CSGALNACT1: variants seen among roughly 807,000 people sequenced by gnomAD.
The protein encoded by CSGALNACT1 is chondroitin sulfate N-acetylgalactosaminyltransferase 1.
A neutral mutation model predicts 51.0 loss-of-function variants in CSGALNACT1; 52 were observed. The observed-to-expected ratio is 1.02, with a 90% CI of 0.82 to 1.29. The LOEUF (loss-of-function observed/expected upper bound fraction) is 1.29, where lower values mean the gene tolerates loss of function less well. Ranked by LOEUF, CSGALNACT1 falls within the 50% of genes most tolerant of loss-of-function variation. The pLI is 0.00. For synonymous variants in CSGALNACT1, 341 were observed against 254.4 expected, an observed-to-expected ratio of 1.34 and a Z score of -3.24; for missense variants, 935 against 679.2, an observed-to-expected ratio of 1.38 and a Z score of -4.19.
intron 4 of CSGALNACT1, among the ~76,000 whole-genome samples, chr8:19,476,236 T>C (rs2069592614): frequency 1.3e-5 from 2 of 152,110 alleles, no homozygotes; most frequent in South Asian, 4.1e-4. Context: ...CCCCCAGTTT[T>C]TTGTTTGTTT....
At chr8:19,545,090 T>TA (rs1218041504) in intron 3 of CSGALNACT1, among the ~76,000 whole-genome samples, 2 of 151,958 alleles carry the variant, frequency 1.3e-5, no homozygotes, top group Non-Finnish European at 2.9e-5. Context: ...TGAAGCACAG[T>TA]GAAGTCACTC....
chr8:19,538,091 G>T (rs1449693674), intron 3 of CSGALNACT1, among the ~76,000 whole-genome samples: 1 of 152,158 alleles, frequency 6.6e-6, no homozygotes, highest in East Asian at 1.9e-4. Flanking sequence ...GCTGAGGCAG[G>T]AGGATGCTTG....
chr8:19,506,672 T>C (rs1287214790), intron 3 of CSGALNACT1, among the ~76,000 whole-genome samples: 1 of 151,930 alleles, frequency 6.6e-6, no homozygotes, highest in Non-Finnish European at 1.5e-5. Flanking sequence ...CTGGAGTGAG[T>C]TGGCACTCTT....
chr8:19,681,834 G>A (rs1470907471), intron 1 of CSGALNACT1, among the ~76,000 whole-genome samples: 3 of 152,178 alleles, frequency 2.0e-5, no homozygotes, highest in Non-Finnish European at 2.9e-5. Flanking sequence ...GCCACACCAT[G>A]TCATAGGGCA....
At chr8:19,590,185 C>T (rs1236768637) in intron 3 of CSGALNACT1, among the ~76,000 whole-genome samples, 3 of 152,136 alleles carry the variant, frequency 2.0e-5, no homozygotes, top group Admixed American at 6.5e-5. Flanking sequence ...TGGCTGTGGG[C>T]GACACGACTG....
At chr8:19,625,046 A>G (rs1219712898) in intron 1 of CSGALNACT1, among the ~76,000 whole-genome samples, 1 of 152,206 alleles carries the variant, frequency 6.6e-6, no homozygotes, top group East Asian at 1.9e-4. Flanking sequence ...GGAACAAAAG[A>G]TAAGCCTAAT....
At chr8:19,653,884 C>G (rs1189701866) in intron 1 of CSGALNACT1, among the ~76,000 whole-genome samples, 2 of 152,140 alleles carry the variant, frequency 1.3e-5, no homozygotes, top group African/African-American at 4.8e-5. Flanking sequence ...CCACATCTCC[C>G]CTTAGTTATC....
exon 6 of CSGALNACT1, chr8:19,439,839 T>C (rs139112975): frequency 3.1e-6 from 5 of 1,611,984 alleles, no homozygotes; most frequent in African/African-American, 2.7e-5. Flanking sequence ...CTTGGAAGTG[T>C]TTTCAAGTAT....
At chr8:19,592,985 T>C (rs776000507) in intron 2 of CSGALNACT1, among the ~76,000 whole-genome samples, 1 of 152,228 alleles carries the variant, frequency 6.6e-6, no homozygotes, top group Non-Finnish European at 1.5e-5. Flanking sequence ...ATTTTTGACT[T>C]ACAATAGGCT....
chr8:19,461,543 C>T (rs111929198), intron 4 of CSGALNACT1, among the ~76,000 whole-genome samples: 3 of 150,070 alleles, frequency 2.0e-5, no homozygotes, highest in Admixed American at 1.3e-4. Flanking sequence ...CGGCCACATT[C>T]ACCATGGGGG....
At chr8:19,655,553 T>C (rs7822623) in intron 1 of CSGALNACT1, among the ~76,000 whole-genome samples, 137 of 11,132 alleles carry the variant, frequency 0.012, no homozygotes, top group Middle Eastern at 0.056. Context: ...TATATGCACA[T>C]ATATATACAC....
At chr8:19,667,783 T>G (rs11985507) in intron 1 of CSGALNACT1, among the ~76,000 whole-genome samples, 17,050 of 152,214 alleles carry the variant, frequency 0.11, 1,292 homozygotes, top group African/African-American at 0.21. Flanking sequence ...ACAGAAAATG[T>G]AATGTAAGAT....
intron 2 of CSGALNACT1, among the ~76,000 whole-genome samples, chr8:19,595,900 G>A (rs1321528954): frequency 3.0e-5 from 4 of 132,144 alleles, no homozygotes; most frequent in Non-Finnish European, 6.2e-5. Context: ...GTCTCACTCT[G>A]TCACCCAGGC....
intron 1 of CSGALNACT1, among the ~76,000 whole-genome samples, chr8:19,667,657 C>CTAAG (rs905884158): frequency 6.6e-6 from 1 of 151,384 alleles, no homozygotes; most frequent in African/African-American, 2.4e-5. Flanking sequence ...ACTTGAAACC[C>CTAAG]TAAGACTAAC....
chr8:19,751,429 C>T (rs1031519055), intron 1 of CSGALNACT1, among the ~76,000 whole-genome samples: 4 of 152,058 alleles, frequency 2.6e-5, no homozygotes, highest in South Asian at 2.1e-4. Flanking sequence ...GTGACAGAAG[C>T]GAAACAAGAA....
intron 1 of CSGALNACT1, among the ~76,000 whole-genome samples, chr8:19,728,710 A>T (rs1300921530): frequency 6.6e-6 from 1 of 152,196 alleles, no homozygotes; most frequent in African/African-American, 2.4e-5. Flanking sequence ...CTGCATAAAA[A>T]GGTGGCTTGT....
exon 6 of CSGALNACT1, chr8:19,439,852 C>T (rs2061018222): frequency 1.2e-6 from 2 of 1,613,910 alleles, no homozygotes; most frequent in African/African-American, 1.3e-5. Flanking sequence ...TCAAGTATTC[C>T]TTTGACTTCA....
chr8:19,471,062 C>A (rs548544689), intron 4 of CSGALNACT1, among the ~76,000 whole-genome samples: 16 of 152,058 alleles, frequency 1.1e-4, no homozygotes, highest in African/African-American at 3.9e-4. Context: ...CACCACTGCA[C>A]TCCAGCCTGA....
chr8:19,733,407 T>G (rs1461158392), intron 1 of CSGALNACT1, among the ~76,000 whole-genome samples: 1 of 152,190 alleles, frequency 6.6e-6, no homozygotes, highest in Admixed American at 6.5e-5. Context: ...ATTGCCTACT[T>G]CAAAAACCTA....
Sources: allele counts gnomAD v4.1 joint callset (sites outside exome capture counted in the v4.1 genomes callset), GRCh38; gene constraint gnomAD v4.1.1; transcripts MANE v1.5; gene names NCBI Gene and HGNC (gene_info 2026-07-23, HGNC 2026-07-21).